RASA3: variants seen among roughly 807,000 people sequenced by gnomAD.
RASA3 encodes the protein ras GTPase-activating protein 3.
A neutral mutation model predicts 110.0 loss-of-function variants in RASA3; 73 were observed. The observed-to-expected ratio is 0.66, with a 90% confidence interval of 0.55 to 0.81. The LOEUF (loss-of-function observed/expected upper bound fraction) is 0.81. Ranked by LOEUF, RASA3 falls within the 30% of genes least tolerant of loss-of-function variation. The pLI, the probability that RASA3 is intolerant of heterozygous loss-of-function variation, is 0.00. For missense variants in RASA3, 976 were observed against 1,113.2 expected, an observed-to-expected ratio of 0.88 and a Z score of 1.75; for synonymous variants, 500 against 451.4, an observed-to-expected ratio of 1.11 and a Z score of -1.37.
chr13:114,101,566 A>G (rs897240206), intron 1 of RASA3, among the ~76,000 whole-genome samples: 13 of 152,250 alleles, frequency 8.5e-5, no homozygotes, highest in African/African-American at 2.7e-4. Context: ...CCGGCACTGC[A>G]CGCCGGAGAT....
At chr13:114,018,696 G>T (rs1429377583) in intron 10 of RASA3, 67 bp downstream of exon 10, 44 of 1,575,698 alleles carry the variant, frequency 2.8e-5, no homozygotes, top group Non-Finnish European at 3.3e-5. Context: ...GGGCCCGGGT[G>T]TAGGGTGGGG....
At chr13:113,993,998 G>A (rs568883937) in intron 21 of RASA3, among the ~76,000 whole-genome samples, 2 of 152,252 alleles carry the variant, frequency 1.3e-5, no homozygotes, top group Admixed American at 6.5e-5. Flanking sequence ...TGTGCAGAAC[G>A]TGTGAAATAT....
chr13:114,115,622 G>A lies in RASA3; in HGVS notation c.55+16813C>T, dbSNP rs1045037592. Among the ~76,000 whole-genome samples, 26 of 152,102 alleles carry A rather than the reference G, an allele frequency of 1.7e-4. No homozygotes were observed. The highest frequency in any genetic ancestry group is 6.3e-4 in the African/African-American group (26 of 41,418). ...CAGGCCTCGTGTCCCCCTCGCTGTC[G>A]CCTGCCGATTTGGTGGCTCCTCTCA... On this transcript the variant is annotated intron_variant, in intron 1 of 23. Transcript: ENST00000334062. This position sits in a 1 kb window ranked among gnomAD's most constrained non-coding sequence, Gnocchi z 5.0.
At chr13:114,132,295 G>A (rs2080531968) in intron 1 of RASA3, 140 bp downstream of exon 1, 1 of 912,866 alleles carries the variant, frequency 1.1e-6, no homozygotes, top group Non-Finnish European at 1.5e-6. Context: ...AGCCGGACCA[G>A]CCGTTCTCCG....
chr13:114,063,731 T>C (rs1424140231), intron 2 of RASA3, among the ~76,000 whole-genome samples: 2 of 152,202 alleles, frequency 1.3e-5, no homozygotes, highest in African/African-American at 4.8e-5. Context: ...CCCCGTGGGA[T>C]AAATTCCTCC....
chr13:114,030,537 GGGCAAGACTCACACAGAC>G (rs1566502117), intron 4 of RASA3, among the ~76,000 whole-genome samples: 4 of 123,820 alleles, frequency 3.2e-5, no homozygotes, highest in African/African-American at 1.1e-4. Flanking sequence ...CTCACACAGA[GGGCAAGACTCACACAGAC>G]AGCAAGGCTC....
chr13:114,125,443 G>A (rs1408713821), intron 1 of RASA3, among the ~76,000 whole-genome samples: 3 of 152,076 alleles, frequency 2.0e-5, no homozygotes, highest in African/African-American at 2.4e-5. Flanking sequence ...GGGCAAGAGC[G>A]CGAGGTGGGA....
rs1018005448 is a variant in RASA3, at chr13:114,011,004, C to T, written c.1590+167G>A. Among the ~76,000 whole-genome samples the T allele has an allele frequency of 4.6e-5, 7 of 152,088 alleles. No individual in the cohort carries two copies. Among genetic ancestry groups the T allele is most frequent in the African/African-American group, 9.7e-5 (4 of 41,406 alleles). ...TTTAGGAGGGGAGAGGTGAGCGGGA[C>T]GGGGACGCTCAGGTCCTGGGTTTCA... On this transcript the variant is annotated intron_variant, in intron 16 of 23. Coordinates refer to ENST00000334062, the MANE Select transcript of RASA3 (RefSeq NM_007368.4). The surrounding 1 kb of genome is among the most constrained non-coding windows in gnomAD (Gnocchi z 4.8).
intron 1 of RASA3, among the ~76,000 whole-genome samples, chr13:114,106,567 TA>T (rs2080138008): frequency 6.6e-6 from 1 of 152,220 alleles, no homozygotes; most frequent in South Asian, 2.1e-4. Flanking sequence ...GCTTTGTAAA[TA>T]AATGCCCATT....
At chr13:114,110,681 G>A (rs1424682466) in intron 1 of RASA3, among the ~76,000 whole-genome samples, 1 of 152,236 alleles carries the variant, frequency 6.6e-6, no homozygotes, top group Non-Finnish European at 1.5e-5. Context: ...AGGACCGACA[G>A]CCCCTCCTGG....
chr13:114,043,634 G>A (rs938600072), intron 3 of RASA3, among the ~76,000 whole-genome samples: 1 of 152,204 alleles, frequency 6.6e-6, no homozygotes, highest in Admixed American at 6.5e-5. Context: ...CCACCACTGA[G>A]GGCAGGCGAG....
Position 114,100,309 on chromosome 13 carries a change from C to A in RASA3, c.56-26472G>T, listed in dbSNP as rs11841253. Among the ~76,000 whole-genome samples the A allele has an allele frequency of 2.0e-5, 3 of 152,074 alleles. No homozygotes were observed. In the South Asian group the frequency reaches 6.2e-4, roughly 31 times the overall value. ...CCCTCCCCACTGCGTCCTGGGGCAC[C>A]CTCAGAGCTTCGGCCATGGGGTGCA... On this transcript the variant is annotated intron_variant, in intron 1 of 23. Coordinates refer to ENST00000334062, the MANE Select transcript of RASA3 (RefSeq NM_007368.4).
rs748313073 is a variant in RASA3 at position 113,979,325 on chromosome 13, C to T, written c.*22G>A. On this transcript the variant is annotated 3_prime_UTR_variant, in exon 24 of 24. Coordinates refer to ENST00000334062, the MANE Select transcript of RASA3 (RefSeq NM_007368.4). ...CTTTGCATGGGCAGCTTGCTGGCGCCACTGGGCGCGTCCCGCAGACTTTAA... is the reference window on the plus strand; with the variant it reads ...CTTTGCATGGGCAGCTTGCTGGCGCTACTGGGCGCGTCCCGCAGACTTTAA... 19 of 1,560,062 alleles carry T rather than the reference C, an allele frequency of 1.2e-5. 1 individual carries two copies. In the South Asian group the frequency reaches 2.1e-4, roughly 17 times the overall value.
Position 113,982,463 on chromosome 13 carries a change from G to A in RASA3, c.2246-605C>T, listed in dbSNP as rs138949123. Among the ~76,000 whole-genome samples, 5 of 152,340 alleles carry A rather than the reference G, an allele frequency of 3.3e-5. No homozygotes were observed. In the East Asian group the frequency reaches 7.7e-4, roughly 24 times the overall value. Reference sequence around the variant, plus strand: ...ACGCACCGGGGCCACCTTCCTAATCGGACCACATCACTCCTGCTGAAGGCC... The same window carrying A: ...ACGCACCGGGGCCACCTTCCTAATCAGACCACATCACTCCTGCTGAAGGCC... On this transcript the variant is annotated intron_variant, in intron 22 of 23. Transcript: ENST00000334062.
At chr13:114,040,813 C>A (rs1326636350) in intron 4 of RASA3, among the ~76,000 whole-genome samples, 187 bp downstream of exon 4, 1 of 151,920 alleles carries the variant, frequency 6.6e-6, no homozygotes, top group African/African-American at 2.4e-5. Context: ...CACGCACAAC[C>A]CAAAATCCAT....
At chr13:114,004,823 G>A (rs552806232) in intron 18 of RASA3, among the ~76,000 whole-genome samples, 7 of 152,304 alleles carry the variant, frequency 4.6e-5, no homozygotes, top group African/African-American at 1.4e-4. Flanking sequence ...ACCTGCATGC[G>A]TACGTTTACC....
chr13:114,072,114 C>T (rs572225207), intron 2 of RASA3, among the ~76,000 whole-genome samples: 2 of 152,136 alleles, frequency 1.3e-5, no homozygotes, highest in Admixed American at 6.5e-5. Context: ...CCCCATGCTT[C>T]CCCCGAGGCC....
chr13:114,109,142 A>C (rs9805680), intron 1 of RASA3, among the ~76,000 whole-genome samples: 23,810 of 152,134 alleles, frequency 0.16, 1,911 homozygotes, highest in Middle Eastern at 0.28. Context: ...TGGCCTGACA[A>C]ACACACACGG....
chr13:114,100,131 C>T (rs1252974736), intron 1 of RASA3, among the ~76,000 whole-genome samples: 1 of 151,336 alleles, frequency 6.6e-6, no homozygotes, highest in African/African-American at 2.4e-5. Context: ...GCAAGGCTTT[C>T]CAAACTCTGC....
Sources: gnomAD v4.1 joint callset for allele counts (sites outside exome capture counted in the v4.1 genomes callset) on GRCh38, gnomAD v4.1.1 for gene constraint, Gnocchi (gnomAD v3.1) non-coding constraint, MANE v1.5 for transcripts, NCBI Gene and HGNC (gene_info 2026-07-23, HGNC 2026-07-21) for gene names.